PRKN: variants seen among roughly 807,000 people sequenced by gnomAD.
The protein encoded by PRKN is parkin RBR E3 ubiquitin protein ligase, also known as E3 ubiquitin-protein ligase parkin.
In PRKN, 56 loss-of-function variants were observed where a neutral mutation model predicts 59.5. The observed-to-expected ratio is 0.94, with a 90% CI of 0.76 to 1.18. The LOEUF is 1.18. Ranked by LOEUF, PRKN falls within the 50% of genes most tolerant of loss-of-function variation. PRKN has a pLI of 0.00. For missense variants in PRKN, 657 were observed against 596.4 expected (o/e 1.10, Z -1.06); for synonymous variants, 250 against 222.1 (o/e 1.13, Z -1.12).
intron 9 of PRKN, among the ~76,000 whole-genome samples, chr6:161,455,637 G>A (rs547989231): frequency 2.2e-4 from 34 of 152,008 alleles, no homozygotes; most frequent in Non-Finnish European, 4.3e-4. Flanking sequence ...AGGCTGACGC[G>A]GGCAGATCAC....
intron 2 of PRKN, among the ~76,000 whole-genome samples, chr6:162,306,065 T>G (rs189860901): frequency 6.3e-4 from 96 of 152,340 alleles, no homozygotes; most frequent in African/African-American, 2.2e-3. Flanking sequence ...GTTATTTCTA[T>G]TATTTTTTAA....
intron 6 of PRKN, among the ~76,000 whole-genome samples, chr6:161,967,052 G>A (rs556252055): frequency 7.9e-5 from 12 of 152,206 alleles, no homozygotes; most frequent in Non-Finnish European, 1.8e-4. Context: ...GGCTGGTCTC[G>A]AACTCCTGAC....
chr6:161,387,004 T>A lies in PRKN; in HGVS notation c.1084-127A>T, dbSNP rs1007722672. The A allele has an allele frequency of 2.2e-5, 17 of 783,702 alleles. No individual in the cohort carries two copies. The Admixed American group carries it at 2.6e-4, about 12-fold the overall frequency. The allele number at this position is 783,702 out of a possible 1,614,324, so 48.5% of individuals were successfully genotyped here. A position where few individuals can be genotyped will look rare whatever the true frequency, so the allele number is the denominator to read the frequency against. ...TGCAACAGTTTCTGTATAAAAATAC[T>A]TTTTTTGCAAAGAGAAATCAAGTTA... On this transcript the variant is annotated intron_variant, in intron 9 of 11. Coordinates refer to ENST00000366898, the MANE Select transcript of PRKN (RefSeq NM_004562.3).
At position 161,702,645 on chromosome 6, in the gene PRKN, G is replaced by A. The variant is rs1219831193; in HGVS notation, c.871+83127C>T. ...TGGTGGTGATGGTTGCCAACAATGT[G>A]AATTTACTCAGTGCCACTGAACTGT... On this transcript the variant is annotated intron_variant, in intron 7 of 11. Coordinates refer to ENST00000366898, the MANE Select transcript of PRKN (RefSeq NM_004562.3). Among the ~76,000 whole-genome samples, 5 of 152,230 alleles carry A rather than the reference G, an allele frequency of 3.3e-5. No individual in the cohort carries two copies. The East Asian group carries it at 9.7e-4, about 29-fold the overall frequency.
At chr6:161,890,954 T>C (rs1795319449) in intron 6 of PRKN, among the ~76,000 whole-genome samples, 1 of 152,048 alleles carries the variant, frequency 6.6e-6, no homozygotes, top group Non-Finnish European at 1.5e-5. Flanking sequence ...GAAAATGAAG[T>C]GGGCTACTGT....
rs1041643952 is a variant in PRKN at position 161,350,287 on chromosome 6, G to A, written c.1286-76C>T. The A allele has an allele frequency of 9.7e-6, 9 of 931,930 alleles. No individual in the cohort carries two copies. The African/African-American group carries it at 1.5e-4, about 15-fold the overall frequency. 57.7% of individuals were successfully genotyped at this position (931,930 alleles called of 1,614,324 possible). On this transcript the variant is annotated intron_variant, in intron 11 of 11. Transcript: ENST00000366898. ...AAAACACGCATTCCCAAACCAGCAC[G>A]CTAGCCTAGACATCACTTTCTGAGC...
Position 162,383,093 on chromosome 6 carries a change from G to A in PRKN, c.171+60217C>T, listed in dbSNP as rs76780873. Among the ~76,000 whole-genome samples the A allele has an allele frequency of 3.4e-3, 520 of 152,220 alleles. 7 individuals are homozygous for A. Among genetic ancestry groups the A allele is most frequent in the African/African-American group, 0.012 (503 of 41,542 alleles). ...GTGCTGAAGTCTTGAAGACCTCAAA[G>A]TCATCCATGAGGACTGGAATCCACT... On this transcript the variant is annotated intron_variant, in intron 2 of 11. Transcript: ENST00000366898.
At chr6:161,809,005 T>C (rs1481899358) in intron 6 of PRKN, among the ~76,000 whole-genome samples, 3 of 152,036 alleles carry the variant, frequency 2.0e-5, no homozygotes, top group Non-Finnish European at 2.9e-5. Flanking sequence ...AATGCCTGGG[T>C]AATTTTTGTA....
intron 2 of PRKN, among the ~76,000 whole-genome samples, chr6:162,363,585 T>C (rs949081098): frequency 6.7e-6 from 1 of 150,020 alleles, no homozygotes; most frequent in African/African-American, 2.5e-5. Flanking sequence ...AATTATTTCT[T>C]GTTCTTTTTA....
intron 6 of PRKN, among the ~76,000 whole-genome samples, chr6:161,916,423 G>A (rs1453286799): frequency 1.3e-5 from 2 of 152,174 alleles, no homozygotes; most frequent in Admixed American, 1.3e-4. Flanking sequence ...AAGCAAACAA[G>A]TAAGTAAAAA....
chr6:161,648,574 A>G (rs1784041866), intron 7 of PRKN, among the ~76,000 whole-genome samples: 1 of 152,228 alleles, frequency 6.6e-6, no homozygotes, highest in Non-Finnish European at 1.5e-5. Context: ...TGTCTTCACT[A>G]TTAAGAGTAG....
intron 4 of PRKN, among the ~76,000 whole-genome samples, chr6:162,085,217 C>T (rs1028551750): frequency 4.0e-5 from 6 of 150,562 alleles, no homozygotes; most frequent in African/African-American, 1.5e-4. Flanking sequence ...CTAGACAAAT[C>T]CCACCATGTT....
chr6:162,697,210 CTGCTTCTGTAT>C (rs1778002410), intron 1 of PRKN, among the ~76,000 whole-genome samples: 1 of 152,074 alleles, frequency 6.6e-6, no homozygotes, highest in Non-Finnish European at 1.5e-5. Flanking sequence ...GTTATTCTCC[CTGCTTCTGTAT>C]AACCTTCAAG....
chr6:162,569,215 C>G (rs1562394117), intron 1 of PRKN: 1 of 567,826 alleles, frequency 1.8e-6, no homozygotes, highest in East Asian at 3.5e-5. Flanking sequence ...TGAACTGGAA[C>G]ATCAGCCAGC....
At position 162,059,303 on chromosome 6, in the gene PRKN, G is replaced by A. The variant is rs541713047; in HGVS notation, c.535-5129C>T. ...TAGTAAAACTGAATGGAATTCTTTT[G>A]AATCTGGGACTTTAACACAGTAAAA... On this transcript the variant is annotated intron_variant, in intron 4 of 11. Coordinates refer to ENST00000366898, the MANE Select transcript of PRKN (RefSeq NM_004562.3). Among the ~76,000 whole-genome samples the A allele has an allele frequency of 7.9e-5, 11 of 138,772 alleles. No individual in the cohort carries two copies. In the South Asian group the frequency reaches 2.4e-3, roughly 31 times the overall value. The allele number at this position is 138,772 out of a possible 152,430, so 91.0% of individuals were successfully genotyped here.
chr6:162,564,450 A>G (rs1779978016), intron 1 of PRKN, among the ~76,000 whole-genome samples: 1 of 152,224 alleles, frequency 6.6e-6, no homozygotes, highest in East Asian at 1.9e-4. Context: ...GGATAATAAC[A>G]GAGAACTTCC....
At chr6:162,036,302 C>CT (rs1562475895) in intron 5 of PRKN, among the ~76,000 whole-genome samples, 1 of 151,656 alleles carries the variant, frequency 6.6e-6, no homozygotes, top group Non-Finnish European at 1.5e-5. Flanking sequence ...CCAGCCTGGG[C>CT]AACAGAGCGA....
At chr6:162,333,965 AGT>A (rs1334898056) in intron 2 of PRKN, among the ~76,000 whole-genome samples, 2 of 152,196 alleles carry the variant, frequency 1.3e-5, no homozygotes, top group East Asian at 3.9e-4. Context: ...AGAAAGTCTG[AGT>A]TATCTGGATA....
At chr6:162,148,154 C>T (rs1782108671) in intron 4 of PRKN, among the ~76,000 whole-genome samples, 1 of 152,108 alleles carries the variant, frequency 6.6e-6, no homozygotes, top group Non-Finnish European at 1.5e-5. Flanking sequence ...CATTGGATAA[C>T]AATTGAGCTA....
Sources: gnomAD v4.1 joint callset for allele counts (sites outside exome capture counted in the v4.1 genomes callset) on GRCh38, gnomAD v4.1.1 for gene constraint, MANE v1.5 for transcripts, NCBI Gene and HGNC (gene_info 2026-07-23, HGNC 2026-07-21) for gene names.